FIGN: variants seen among roughly 807,000 people sequenced by gnomAD.
FIGN encodes the protein fidgetin, microtubule severing factor.
FIGN carries 11 observed loss-of-function variants against 51.3 expected under a neutral mutation model. The ratio of observed to expected loss-of-function variants is 0.21; its 90% confidence interval spans 0.13 to 0.35. The LOEUF (loss-of-function observed/expected upper bound fraction) is 0.35. Among genes scored for constraint, FIGN ranks in the 10% least tolerant of loss-of-function variants. FIGN has a pLI of 1.00. For synonymous variants in FIGN, 407 were observed against 363.2 expected (o/e 1.12, Z -1.37); for missense variants, 857 against 943.6 (o/e 0.91, Z 1.20).
At chr2:163,721,774 G>A (rs950511932) in intron 2 of FIGN, among the ~76,000 whole-genome samples, 2 of 152,148 alleles carry the variant, frequency 1.3e-5, no homozygotes, top group Non-Finnish European at 2.9e-5. Context: ...GGAAGAAAAC[G>A]AGTGAGCTTT....
At chr2:163,618,584 G>A (rs1185381417) in intron 2 of FIGN, among the ~76,000 whole-genome samples, 4 of 150,990 alleles carry the variant, frequency 2.6e-5, no homozygotes, top group South Asian at 2.1e-4. Flanking sequence ...AAAATCACTC[G>A]ACTTTATGTT....
chr2:163,636,738 C>A (rs1573918327), intron 2 of FIGN, among the ~76,000 whole-genome samples: 1 of 151,880 alleles, frequency 6.6e-6, no homozygotes, highest in South Asian at 2.1e-4. Context: ...AGACTTGAAT[C>A]CAGAGGAAAA....
chr2:163,634,826 C>T (rs1683201144), intron 2 of FIGN, among the ~76,000 whole-genome samples: 1 of 152,202 alleles, frequency 6.6e-6, no homozygotes, highest in Admixed American at 6.5e-5. Flanking sequence ...CCAAATTTGG[C>T]ACTTACTCTG....
chr2:163,712,260 A>G (rs1331730303), intron 2 of FIGN, among the ~76,000 whole-genome samples: 1 of 152,188 alleles, frequency 6.6e-6, no homozygotes, highest in African/African-American at 2.4e-5. Context: ...TGCATATCTA[A>G]TGGAGTTTGT....
chr2:163,714,418 G>T (rs1240508300), intron 2 of FIGN, among the ~76,000 whole-genome samples: 1 of 152,150 alleles, frequency 6.6e-6, no homozygotes, highest in East Asian at 1.9e-4. Context: ...CCTAGTAAGT[G>T]TCCTGCGTCA....
intron 2 of FIGN, among the ~76,000 whole-genome samples, chr2:163,618,163 T>G (rs1682909330): frequency 6.6e-6 from 1 of 152,176 alleles, no homozygotes; most frequent in African/African-American, 2.4e-5. Context: ...AGTATTTTAT[T>G]TATTTTTGAT....
rs762282252 is a variant in FIGN at position 163,610,680 on chromosome 2, G to A, written c.1152C>T (p.Ser384=). 1.9e-6 allele frequency: 3 copies of A among 1,614,200 alleles called. No individual in the cohort carries two copies. Among genetic ancestry groups the A allele is most frequent in the South Asian group, 1.1e-5 (1 of 91,084 alleles). Residue 384 remains serine, a synonymous_variant, in exon 3 of 3, where the codon TCC becomes TCT. Coordinates refer to ENST00000333129, the MANE Select transcript of FIGN (RefSeq NM_018086.4). ...LAFKPTKQLM[S]SEQQRKFSSQ... ...TGCTGAATTTCCTTTGCTGTTCAGA[G>A]GACATTAGCTGCTTCGTTGGCTTAA...
intron 2 of FIGN, among the ~76,000 whole-genome samples, chr2:163,712,718 C>T (rs993428706): frequency 1.3e-5 from 2 of 151,728 alleles, no homozygotes; most frequent in African/African-American, 4.8e-5. Flanking sequence ...TTTCATGTTG[C>T]CAACATGGAA....
At chr2:163,709,400 T>A (rs1573964944) in intron 2 of FIGN, among the ~76,000 whole-genome samples, 1 of 152,252 alleles carries the variant, frequency 6.6e-6, no homozygotes, top group East Asian at 1.9e-4. Context: ...ATGATTTGTC[T>A]AAGCTGAAAT....
chr2:163,608,132 T>C lies in FIGN; in HGVS notation c.*1420A>G, dbSNP rs1691151134. The C allele has an allele frequency of 6.6e-6, 1 of 152,486 alleles. No homozygotes were observed. Among genetic ancestry groups the C allele is most frequent in the African/African-American group, 2.4e-5 (1 of 41,374 alleles). The allele number at this position is 152,486 out of a possible 1,614,324, so 9.4% of individuals were successfully genotyped here. On this transcript the variant is annotated 3_prime_UTR_variant, in exon 3 of 3. Coordinates refer to ENST00000333129, the MANE Select transcript of FIGN (RefSeq NM_018086.4). ...TTTCTACTTTACTTTCCAAGAGAAA[T>C]GTAACAAAACTGAGGTAGAAATAAA...
At chr2:163,686,022 C>T (rs991804605) in intron 2 of FIGN, among the ~76,000 whole-genome samples, 2 of 152,184 alleles carry the variant, frequency 1.3e-5, no homozygotes, top group African/African-American at 4.8e-5. Flanking sequence ...ATTTGGACTT[C>T]GTCAATTTCG....
In FIGN at chr2:163,640,197, A is replaced by G. The variant is rs534793971; in HGVS notation, c.26-28391T>C. The stretch of plus-strand genomic sequence containing the variant: ...TTATAAAATAGTAATTTTTCTAATT[A>G]TGAAAAAATTAACATGTTTAATCAA... On this transcript the variant is annotated intron_variant, in intron 2 of 2. Coordinates refer to ENST00000333129, the MANE Select transcript of FIGN (RefSeq NM_018086.4). Among the ~76,000 whole-genome samples, 5 of 152,354 alleles carry G rather than the reference A, an allele frequency of 3.3e-5. No homozygotes were observed. In the South Asian group the frequency reaches 1.0e-3, roughly 32 times the overall value.
At chr2:163,687,890 G>A (rs1684178861) in intron 2 of FIGN, among the ~76,000 whole-genome samples, 1 of 151,960 alleles carries the variant, frequency 6.6e-6, no homozygotes, top group African/African-American at 2.4e-5. Flanking sequence ...CCTAAACAAA[G>A]GACCACAAAA....
chr2:163,652,361 A>C (rs6715670), intron 2 of FIGN, among the ~76,000 whole-genome samples: 48,961 of 139,078 alleles, frequency 0.35, 9,845 homozygotes, highest in Non-Finnish European at 0.43. Flanking sequence ...CACACACACA[A>C]ACACACACAC....
chr2:163,725,682 C>A (rs1010174899), intron 2 of FIGN, among the ~76,000 whole-genome samples: 2 of 151,890 alleles, frequency 1.3e-5, no homozygotes, highest in Non-Finnish European at 2.9e-5. Context: ...CCTATAAGTT[C>A]TTTTTACTTT....
chr2:163,612,918 A>G (rs1289041322), intron 2 of FIGN, among the ~76,000 whole-genome samples: 1 of 152,060 alleles, frequency 6.6e-6, no homozygotes, highest in East Asian at 1.9e-4. Context: ...CAAGTAGATA[A>G]TGAGATGGTC....
rs774530013 is a variant in FIGN at position 163,610,043 on chromosome 2, C to G, written c.1789G>C (p.Glu597Gln). ...IDMLLSSQVN[E>Q]EHSPVSRMRT... is the part of the protein sequence containing the mutation. ...ATCCGACTGACTGGACTATGTTCCT[C>G]ATTCACTTGAGAGGAGAGAAGCATG... The change falls in exon 3 of 3, where the codon GAG becomes CAG. Residue 597 changes from glutamate (E) to glutamine (Q), a missense_variant. Physicochemically the swap from Glu to Gln is conservative, Grantham distance 29. Around this residue, in one of 3 missense-constraint regions of FIGN, gnomAD observed 799 missense variants for 849.5 expected, o/e 0.94. Coordinates refer to ENST00000333129, the MANE Select transcript of FIGN (RefSeq NM_018086.4). 1.9e-6 allele frequency: 3 copies of G among 1,614,082 alleles called. No individual in the cohort carries two copies. The South Asian group carries it at 3.3e-5, about 18-fold the overall frequency.
At chr2:163,668,479 G>A (rs575224690) in intron 2 of FIGN, among the ~76,000 whole-genome samples, 1 of 152,324 alleles carries the variant, frequency 6.6e-6, no homozygotes, top group East Asian at 1.9e-4. Flanking sequence ...AGGACAGTGA[G>A]TGGTGAGCTG....
intron 2 of FIGN, among the ~76,000 whole-genome samples, chr2:163,690,976 G>A (rs1481696345): frequency 1.3e-5 from 2 of 152,092 alleles, no homozygotes; most frequent in East Asian, 3.9e-4. Context: ...ATGAGGAACT[G>A]ACTTCCGACT....
Sources: allele counts gnomAD v4.1 joint callset (sites outside exome capture counted in the v4.1 genomes callset), GRCh38; gene constraint gnomAD v4.1.1; regional missense constraint gnomAD v4.1.1; transcripts MANE v1.5; gene names NCBI Gene and HGNC (gene_info 2026-07-23, HGNC 2026-07-21).